The following NPDC1 variants were observed in gnomAD, a reference collection of about 807,000 sequenced individuals.
NPDC1 encodes neural proliferation, differentiation and control 1, also known as neural proliferation differentiation and control protein 1.
Under a neutral mutation model 32.5 loss-of-function variants are expected in NPDC1, and 18 were observed. That is an observed-to-expected ratio of 0.55 (90% CI 0.38 to 0.82). The LOEUF is 0.82. Among genes scored for constraint, NPDC1 ranks in the 40% least tolerant of loss-of-function variants. The pLI, the probability that NPDC1 is intolerant of heterozygous loss-of-function variation, is 0.00. For synonymous variants in NPDC1, 210 were observed against 184.7 expected (o/e 1.14, Z -1.11); for missense variants, 468 against 406.6 (o/e 1.15, Z -1.30).
Position 137,040,435 on chromosome 9 carries a change from G to C in NPDC1, c.710C>G (p.Pro237Arg). ...GCTCTGTGCCAGCCGCTGGTCCCCA[G>C]GCTGTGGGAAGGAGGAGGCGAGGGT... is the stretch of plus-strand genomic sequence containing the variant. Reference protein sequence around the residue: ...PGSPAAPRISPGDQRLAQSAE... With the variant: ...PGSPAAPRISRGDQRLAQSAE... The change falls in exon 7 of 9, where the codon CCT becomes CGT. Residue 237 changes from proline to arginine, a missense_variant and splice_region_variant. Physicochemically the swap from Pro to Arg is moderately radical, Grantham distance 103. Coordinates refer to ENST00000371601, the MANE Select transcript of NPDC1 (RefSeq NM_015392.4). 6.4e-7 allele frequency: 1 copy of C among 1,554,898 alleles called. No homozygotes were observed. The highest frequency in any genetic ancestry group is 2.4e-5 in the East Asian group (1 of 41,250).
intron 1 of NPDC1, chr9:137,043,612 G>A: frequency 1.8e-6 from 1 of 546,200 alleles, no homozygotes; most frequent in Non-Finnish European, 3.3e-6. Context: ...TGTCCCCCAG[G>A]CACCGAGGAC....
At chr9:137,043,836 C>T (rs149513397) in intron 1 of NPDC1, 12 of 177,276 alleles carry the variant, frequency 6.8e-5, no homozygotes, top group East Asian at 3.1e-4. Flanking sequence ...GCCCAGGCCA[C>T]GGTGCCAGCT....
intron 1 of NPDC1, 193 bp from the exon 2 acceptor site, chr9:137,043,266 T>A: frequency 1.4e-6 from 1 of 735,346 alleles, no homozygotes. Flanking sequence ...GTCCTAGGAC[T>A]TATCAGAACT....
chr9:137,042,247 T>G (rs946165023), intron 2 of NPDC1, among the ~76,000 whole-genome samples: 3 of 150,434 alleles, frequency 2.0e-5, no homozygotes, highest in African/African-American at 7.3e-5. Flanking sequence ...GCATTGAGGC[T>G]GCAGGCTGCT....
intron 1 of NPDC1, among the ~76,000 whole-genome samples, chr9:137,045,635 A>T (rs1399619766): frequency 6.6e-6 from 1 of 152,162 alleles, no homozygotes; most frequent in Non-Finnish European, 1.5e-5. Context: ...AATGTAAGGT[A>T]CGCCTCTGGG....
intron 1 of NPDC1, 98 bp downstream of exon 1, chr9:137,045,780 T>C (rs567840820): frequency 5.8e-4 from 460 of 793,756 alleles, no homozygotes; most frequent in Admixed American, 1.2e-3. Flanking sequence ...CCTGCGGGCC[T>C]GGGCAGGACG....
rs1372240336 is a variant in NPDC1 at position 137,040,900 on chromosome 9, G to C, written c.470C>G (p.Thr157Ser). The C allele has an allele frequency of 6.3e-7, 1 of 1,582,976 alleles. No homozygotes were observed. Among genetic ancestry groups the C allele is most frequent in the African/African-American group, 1.4e-5 (1 of 74,010 alleles). ...GGATGACACAGGGGAGCCCAGGGAG[G>C]TGTGGGGCGTGGGCGTGGGGGTTCC... ...TPGTPTPTPH[T>S]SLGSPVSSDP... The change falls in exon 4 of 9, where the codon ACC (threonine) becomes AGC (serine). Residue 157 changes from threonine to serine, a missense_variant. By Grantham distance (58) the Thr-to-Ser change is moderately conservative. Transcript: ENST00000371601.
At position 137,041,112 on chromosome 9, in the gene NPDC1, C is replaced by G. The variant is rs77750926; in HGVS notation, c.335G>C (p.Gly112Ala). 2.3e-3 allele frequency: 3,546 copies of G among 1,528,084 alleles called. 5 individuals carry two copies. The highest frequency in any genetic ancestry group is 3.0e-3 in the Non-Finnish European group (3,389 of 1,140,354). 94.7% of individuals were successfully genotyped at this position (1,528,084 alleles called of 1,614,324 possible). A position where few individuals can be genotyped will look rare whatever the true frequency, so the allele number is the denominator to read the frequency against. Reference sequence around the variant, plus strand: ...CTTGGGTAGGGGCGGAGTTGAGTGTCCAGACTCCTTCCGGGCAAGCTCCTG... The same window carrying G: ...CTTGGGTAGGGGCGGAGTTGAGTGTGCAGACTCCTTCCGGGCAAGCTCCTG... ...LAQELARKES[G>A]HSTPPLPKDR... The change falls in exon 3 of 9, where the codon GGA (glycine) becomes GCA (alanine). Residue 112 changes from glycine (G) to alanine (A), a missense_variant. By Grantham distance (60) the Gly-to-Ala change is moderately conservative. Coordinates refer to ENST00000371601, the MANE Select transcript of NPDC1 (RefSeq NM_015392.4).
At chr9:137,043,233 G>C (rs1832084353) in intron 1 of NPDC1, 160 bp from the exon 2 acceptor site, 2 of 838,406 alleles carry the variant, frequency 2.4e-6, no homozygotes. Flanking sequence ...CTGACGCCAG[G>C]GCTCAGAACC....
In NPDC1 at chr9:137,040,391, G is replaced by A. The variant is rs1832027802; in HGVS notation, c.754C>T (p.Gln252Ter). 6.5e-7 allele frequency: 1 copy of A among 1,547,608 alleles called. No homozygotes were observed. Among genetic ancestry groups the A allele is most frequent in the South Asian group, 1.2e-5 (1 of 83,990 alleles). The change falls in exon 7 of 9, where the codon CAG becomes TAG. Residue 252 changes from glutamine to a stop codon, truncating the protein, a stop_gained. Coordinates refer to ENST00000371601, the MANE Select transcript of NPDC1 (RefSeq NM_015392.4). LOFTEE classifies it high-confidence loss of function. ...LAQSAEMYHY[Q>*]HQRQQMLCLE... is the part of the protein sequence containing the mutation. ...CACAGCATCTGTTGCCGTTGGTGCTGGTAGTGGTACATCTCCGCGCTCTGT... is the reference window on the plus strand; with the variant it reads ...CACAGCATCTGTTGCCGTTGGTGCTAGTAGTGGTACATCTCCGCGCTCTGT...
At position 137,040,558 on chromosome 9, in the gene NPDC1, C is replaced by G; in HGVS notation, c.664G>C (p.Ala222Pro). 6.3e-7 allele frequency: 1 copy of G among 1,584,796 alleles called. No individual in the cohort carries two copies. The highest frequency in any genetic ancestry group is 8.5e-7 in the Non-Finnish European group (1 of 1,171,466). The change falls in exon 6 of 9, where the codon GCC becomes CCC. Residue 222 changes from alanine to proline, a missense_variant. Transcript: ENST00000371601. ...EIRLTQKADY[A>P]TAKAPGSPAA... is the part of the protein sequence containing the mutation. Reference sequence around the variant, plus strand: ...GGTGAGCCAGGGGCCTTCGCAGTGGCGTAGTCGGCCTTCTGAGTCAGGCGG... The same window carrying G: ...GGTGAGCCAGGGGCCTTCGCAGTGGGGTAGTCGGCCTTCTGAGTCAGGCGG...
Position 137,040,953 on chromosome 9 carries a change from C to T in NPDC1, c.417G>A (p.Gly139=). ...GAGTGGAGGGGAGGCCCAGCTCCAG[C>T]CCCTGCCCCCGTGCCGAGAAGCCCA... ...ATLGFSARGQ[G]LELGLPSTPG... Residue 139 remains glycine (G), a synonymous_variant, in exon 4 of 9, where the codon GGG becomes GGA. Transcript: ENST00000371601. 3 of 1,548,152 alleles carry T rather than the reference C, an allele frequency of 1.9e-6. No individual in the cohort carries two copies. The highest frequency in any genetic ancestry group is 2.1e-5 in the Admixed American group (1 of 48,218).
rs763878384 is a variant in NPDC1, at chr9:137,040,538, G to A, written c.684C>T (p.Gly228=). ...KADYATAKAP[G]SPAAPRISPG... is the part of the protein sequence containing the mutation. ...CCGAGATCCGGGGAGCTGCAGGTGAGCCAGGGGCCTTCGCAGTGGCGTAGT... is the reference window on the plus strand; with the variant it reads ...CCGAGATCCGGGGAGCTGCAGGTGAACCAGGGGCCTTCGCAGTGGCGTAGT... The change falls in exon 6 of 9, where the codon GGC becomes GGT. Residue 228 remains glycine, a synonymous_variant. Coordinates refer to ENST00000371601, the MANE Select transcript of NPDC1 (RefSeq NM_015392.4). The A allele has an allele frequency of 6.9e-6, 11 of 1,589,862 alleles. No homozygotes were observed. In the South Asian group the frequency reaches 1.0e-4, roughly 15 times the overall value.
chr9:137,045,382 C>G (rs1339690269), intron 1 of NPDC1, among the ~76,000 whole-genome samples: 1 of 152,394 alleles, frequency 6.6e-6, no homozygotes, highest in East Asian at 1.9e-4. Flanking sequence ...CCATGGCGCA[C>G]AAGGCCGGTG....
intron 2 of NPDC1, 38 bp from the exon 3 acceptor site, chr9:137,041,225 T>C (rs1832047141): frequency 7.2e-7 from 1 of 1,389,148 alleles, no homozygotes; most frequent in Non-Finnish European, 9.4e-7. Flanking sequence ...GAGGGGTCCG[T>C]CCAGGAGGTA....
chr9:137,040,495 G>C lies in NPDC1; in HGVS notation c.708+19C>G, dbSNP rs1193493408. On this transcript the variant is annotated intron_variant, in intron 6 of 8. Coordinates refer to ENST00000371601, the MANE Select transcript of NPDC1 (RefSeq NM_015392.4). ...GCCAGAGTTGGGCGGGAGCCTCAGGGCTGAAGGGGGCCACACACCGAGATC... is the reference window on the plus strand; with the variant it reads ...GCCAGAGTTGGGCGGGAGCCTCAGGCCTGAAGGGGGCCACACACCGAGATC... 1 of 1,585,580 alleles carries C rather than the reference G, an allele frequency of 6.3e-7. No homozygotes were observed.
chr9:137,041,235 A>G (rs994939451), intron 2 of NPDC1, 48 bp from the exon 3 acceptor site: 9 of 1,369,990 alleles, frequency 6.6e-6, no homozygotes, highest in Non-Finnish European at 9.4e-7. Flanking sequence ...TCCAGGAGGT[A>G]GCCCCAGGCC....
intron 1 of NPDC1, among the ~76,000 whole-genome samples, chr9:137,044,937 G>C (rs1832108869): frequency 6.6e-6 from 1 of 152,238 alleles, no homozygotes; most frequent in African/African-American, 2.4e-5. Context: ...ACAGAACCAG[G>C]CTGCCCAGGA....
intron 1 of NPDC1, among the ~76,000 whole-genome samples, chr9:137,044,280 C>T (rs747504668): frequency 9.9e-5 from 15 of 152,240 alleles, no homozygotes; most frequent in Non-Finnish European, 1.3e-4. Context: ...CCCTCCACAA[C>T]CTGGGGCAGC....
Sources: allele counts gnomAD v4.1 joint callset (sites outside exome capture counted in the v4.1 genomes callset), GRCh38; gene constraint gnomAD v4.1.1; transcripts MANE v1.5; gene names NCBI Gene and HGNC (gene_info 2026-07-23, HGNC 2026-07-21).